The following RAD51B variants were observed in gnomAD, a reference collection of about 807,000 sequenced individuals.
RAD51B encodes DNA repair protein RAD51 homolog 2.
In RAD51B, 38 loss-of-function variants were observed where a neutral mutation model predicts 42.2. The ratio of observed to expected loss-of-function variants is 0.90; its 90% CI spans 0.70 to 1.18. The LOEUF (loss-of-function observed/expected upper bound fraction) is 1.18, where lower values mean the gene tolerates loss of function less well. RAD51B is among the 50% of genes most tolerant of loss of function. The probability of loss-of-function intolerance (pLI) is 0.00; values close to 1 mark genes in which losing one functional copy is unlikely to be tolerated. For synonymous variants in RAD51B, 154 were observed against 145.2 expected (o/e 1.06, Z -0.43); for missense variants, 373 against 400.7 (o/e 0.93, Z 0.59).
chr14:68,482,912 A>G (rs1471272780), downstream of RAD51B, among the ~76,000 whole-genome samples: 1 of 152,184 alleles, frequency 6.6e-6, no homozygotes, highest in East Asian at 1.9e-4. Flanking sequence ...AATCTCAGTG[A>G]CTTGCAAAAT....
chr14:68,162,583 A>G (rs1291587089), intron 7 of RAD51B, among the ~76,000 whole-genome samples: 1 of 152,216 alleles, frequency 6.6e-6, no homozygotes. Flanking sequence ...CAGGAGATCG[A>G]GACCATCCTA....
At chr14:68,652,323 G>T (rs1892719593) in intron 11 of RAD51B, among the ~76,000 whole-genome samples, 1 of 152,152 alleles carries the variant, frequency 6.6e-6, no homozygotes, top group Non-Finnish European at 1.5e-5. Context: ...GCTCGCCCTT[G>T]TTTTCTCCCT....
chr14:68,466,930 C>G (rs1156888198), intron 9 of RAD51B, among the ~76,000 whole-genome samples: 1 of 152,210 alleles, frequency 6.6e-6, no homozygotes, highest in Admixed American at 6.5e-5. Context: ...ATCACATTTT[C>G]CCACCACTTC....
At chr14:68,191,811 A>G (rs1174827506) in intron 7 of RAD51B, among the ~76,000 whole-genome samples, 1 of 152,208 alleles carries the variant, frequency 6.6e-6, no homozygotes, top group South Asian at 2.1e-4. Context: ...GTTTACAACT[A>G]TAATCTAGAG....
chr14:68,227,534 A>G (rs185305059), intron 7 of RAD51B, among the ~76,000 whole-genome samples: 4 of 152,368 alleles, frequency 2.6e-5, no homozygotes, highest in East Asian at 1.9e-4. Flanking sequence ...TAAAAAAGTA[A>G]TAAGTGTTAG....
intron 3 of RAD51B, among the ~76,000 whole-genome samples, chr14:67,829,661 G>A (rs1008591609): frequency 6.6e-6 from 1 of 151,790 alleles, no homozygotes; most frequent in East Asian, 1.9e-4. Context: ...AATTTTTTTT[G>A]CTCATTTATT....
At chr14:67,916,072 C>T (rs1339949568) in intron 7 of RAD51B, among the ~76,000 whole-genome samples, 1 of 152,138 alleles carries the variant, frequency 6.6e-6, no homozygotes, top group African/African-American at 2.4e-5. Context: ...AGTACATATT[C>T]TATTAGGGGG....
At chr14:68,029,014 A>G (rs2075999164) in intron 7 of RAD51B, among the ~76,000 whole-genome samples, 1 of 152,192 alleles carries the variant, frequency 6.6e-6, no homozygotes, top group Non-Finnish European at 1.5e-5. Context: ...TGTAGCTAGG[A>G]TTCCAGAGGT....
chr14:68,422,132 A>T lies in RAD51B; in HGVS notation c.957+10605A>T, dbSNP rs2084716236. ...TGGGATCTTGTCTGCAAACAGCTCG[A>T]AGGAGACATGGCCCAAGGGCTCGCT... On this transcript the variant is annotated intron_variant, in intron 9 of 10. Coordinates refer to ENST00000471583, the MANE Select transcript of RAD51B (RefSeq NM_133510.4). 5.6e-6 allele frequency: 8 copies of T among 1,420,458 alleles called. No homozygotes were observed. In the Admixed American group the frequency reaches 1.2e-4, roughly 21 times the overall value. The allele number at this position is 1,420,458 out of a possible 1,614,324, so 88.0% of individuals were successfully genotyped here.
At chr14:68,176,563 C>A (rs556346429) in intron 7 of RAD51B, among the ~76,000 whole-genome samples, 1 of 152,150 alleles carries the variant, frequency 6.6e-6, no homozygotes, top group African/African-American at 2.4e-5. Context: ...ATCATGATGT[C>A]TGTCACTCAG....
intron 8 of RAD51B, among the ~76,000 whole-genome samples, chr14:68,399,259 G>T (rs1483459901): frequency 6.8e-4 from 93 of 136,006 alleles, no homozygotes; most frequent in African/African-American, 2.1e-3. Flanking sequence ...TTTTTTTTGT[G>T]TTTTTTTTTT....
chr14:68,094,004 A>G (rs2077149093), intron 7 of RAD51B, among the ~76,000 whole-genome samples: 1 of 152,206 alleles, frequency 6.6e-6, no homozygotes, highest in Non-Finnish European at 1.5e-5. Flanking sequence ...TTCTTTGCCA[A>G]CATTTTATAT....
At chr14:68,625,122 C>T (rs1358127964) in intron 10 of RAD51B, among the ~76,000 whole-genome samples, 1 of 152,080 alleles carries the variant, frequency 6.6e-6, no homozygotes, top group African/African-American at 2.4e-5. Context: ...GCCCTAGTGC[C>T]CACACTCATA....
intron 10 of RAD51B, among the ~76,000 whole-genome samples, chr14:68,569,458 A>G (rs539208887): frequency 6.6e-6 from 1 of 152,242 alleles, no homozygotes; most frequent in Non-Finnish European, 1.5e-5. Context: ...GATGCACTCA[A>G]ATTTCACAAG....
intron 8 of RAD51B, among the ~76,000 whole-genome samples, chr14:68,305,893 A>G (rs1108590): frequency 0.54 from 82,245 of 152,076 alleles, 23,544 homozygotes; most frequent in South Asian, 0.65. Flanking sequence ...CCTGTGGTGG[A>G]TGACTGTTTT....
intron 10 of RAD51B, among the ~76,000 whole-genome samples, chr14:68,537,286 C>T (rs1474958661): frequency 6.6e-6 from 1 of 152,004 alleles, no homozygotes; most frequent in Non-Finnish European, 1.5e-5. Context: ...ATCACGAGGC[C>T]AGGAGATTGA....
intron 8 of RAD51B, among the ~76,000 whole-genome samples, chr14:68,406,908 A>G (rs536933699): frequency 1.3e-5 from 2 of 152,266 alleles, no homozygotes; most frequent in South Asian, 2.1e-4. Context: ...CTAGGACTAC[A>G]CAGGATCAAT....
chr14:68,330,772 T>C (rs949821698), intron 8 of RAD51B, among the ~76,000 whole-genome samples: 3 of 152,240 alleles, frequency 2.0e-5, no homozygotes, highest in South Asian at 2.1e-4. Flanking sequence ...TCTTTCAGTA[T>C]AGCCATTAGC....
intron 8 of RAD51B, among the ~76,000 whole-genome samples, chr14:68,301,090 C>T (rs958804150): frequency 2.6e-5 from 4 of 151,980 alleles, no homozygotes; most frequent in Admixed American, 1.3e-4. Flanking sequence ...TGGAGGTTCC[C>T]GTCTTTAATA....
Sources: gnomAD v4.1 joint callset for allele counts (sites outside exome capture counted in the v4.1 genomes callset) on GRCh38, gnomAD v4.1.1 for gene constraint, MANE v1.5 for transcripts, NCBI Gene and HGNC (gene_info 2026-07-23, HGNC 2026-07-21) for gene names.